The following CAMTA1 variants were observed in gnomAD, a reference collection of about 807,000 sequenced individuals.
CAMTA1 encodes calmodulin binding transcription activator 1, also known as calmodulin-binding transcription activator 1.
Under a neutral mutation model 170.9 loss-of-function variants are expected in CAMTA1, and 27 were observed. The observed-to-expected ratio is 0.16, with a 90% CI of 0.12 to 0.22. The LOEUF (loss-of-function observed/expected upper bound fraction) is 0.22. Among genes scored for constraint, CAMTA1 ranks in the 10% least tolerant of loss-of-function variants. The pLI is 1.00. For missense variants in CAMTA1, 1,619 were observed against 2,217.2 expected, an observed-to-expected ratio of 0.73 and a Z score of 5.42; for synonymous variants, 833 against 891.5, an observed-to-expected ratio of 0.93 and a Z score of 1.17.
At position 7,642,854 on chromosome 1, in the gene CAMTA1, C is replaced by T. The variant is rs1179947527; in HGVS notation, c.664+2301C>T. 6.6e-6 allele frequency among the ~76,000 whole-genome samples: 1 copy of T among 152,150 alleles called. No individual in the cohort carries two copies. The highest frequency in any genetic ancestry group is 1.5e-5 in the Non-Finnish European group (1 of 68,030). On this transcript the variant is annotated intron_variant, in intron 7 of 22. Coordinates refer to ENST00000303635, the MANE Select transcript of CAMTA1 (RefSeq NM_015215.4). This position sits in a 1 kb window ranked among gnomAD's most constrained non-coding sequence, Gnocchi z 6.3. ...GCACTTCCAGCCATCTCAGGGGGCC[C>T]GGCTCAGCTCCTCCACCCCTGCACA... is the stretch of plus-strand genomic sequence containing the variant.
chr1:7,085,532 G>C (rs1336897785), intron 3 of CAMTA1, among the ~76,000 whole-genome samples: 1 of 152,252 alleles, frequency 6.6e-6, no homozygotes, highest in African/African-American at 2.4e-5. Context: ...GAGAAAGTCT[G>C]AGCAGTGCAG....
rs1275468703 is a variant in CAMTA1, at chr1:7,738,182, G to A, written c.3882G>A (p.Arg1294=). The stretch of plus-strand genomic sequence containing the variant: ...CACTCAGCCCCAGTGAAGGAGTGAG[G>A]GACTTCAGCCGGGAACTCTCCCCTC... ...PETLSPSEGV[R]DFSRELSPPT... is the part of the protein sequence containing the mutation. Residue 1294 remains arginine, a synonymous_variant, in exon 16 of 23, where the codon AGG becomes AGA. Coordinates refer to ENST00000303635, the MANE Select transcript of CAMTA1 (RefSeq NM_015215.4). This position sits in a 1 kb window ranked among gnomAD's most constrained non-coding sequence, Gnocchi z 4.9. The A allele has an allele frequency of 1.9e-6, 3 of 1,613,958 alleles. No homozygotes were observed. The highest frequency in any genetic ancestry group is 2.5e-6 in the Non-Finnish European group (3 of 1,180,012).
chr1:7,416,030 G>T (rs2091143835), intron 5 of CAMTA1, among the ~76,000 whole-genome samples: 1 of 152,124 alleles, frequency 6.6e-6, no homozygotes, highest in Non-Finnish European at 1.5e-5. Flanking sequence ...GCTTAGTTTG[G>T]CTGGATATGA....
intron 4 of CAMTA1, among the ~76,000 whole-genome samples, chr1:7,179,605 A>C (rs1651680256): frequency 6.6e-6 from 1 of 152,200 alleles, no homozygotes; most frequent in Non-Finnish European, 1.5e-5. Flanking sequence ...AAAAGATGAA[A>C]ATACCCTATC....
At chr1:6,928,837 C>G (rs1003596559) in intron 3 of CAMTA1, among the ~76,000 whole-genome samples, 13 of 152,302 alleles carry the variant, frequency 8.5e-5, no homozygotes, top group Admixed American at 8.5e-4. Context: ...CCTCTGTTTG[C>G]TCCTCATGGC....
chr1:7,722,238 CTT>C (rs2149793201), intron 11 of CAMTA1, among the ~76,000 whole-genome samples: 1 of 152,308 alleles, frequency 6.6e-6, no homozygotes, highest in Admixed American at 6.5e-5. Context: ...TTGTCTCTGT[CTT>C]TAAAACATTG....
At position 7,094,808 on chromosome 1, in the gene CAMTA1, C is replaced by T. The variant is rs568224454; in HGVS notation, c.302+3437C>T. Among the ~76,000 whole-genome samples, 13 of 152,262 alleles carry T rather than the reference C, an allele frequency of 8.5e-5. No homozygotes were observed. The East Asian group carries it at 1.2e-3, about 14-fold the overall frequency. ...TTGTACTCTCAGCAACTGGGACCTCCGGTTTGAAAAATCACCCTGCGGAAC... is the reference window on the plus strand; with the variant it reads ...TTGTACTCTCAGCAACTGGGACCTCTGGTTTGAAAAATCACCCTGCGGAAC... On this transcript the variant is annotated intron_variant, in intron 4 of 22. Coordinates refer to ENST00000303635, the MANE Select transcript of CAMTA1 (RefSeq NM_015215.4).
chr1:7,197,628 C>CCACACACACACACACACA (rs3222484), intron 4 of CAMTA1, among the ~76,000 whole-genome samples: 1 of 109,796 alleles, frequency 9.1e-6, no homozygotes, highest in African/African-American at 3.1e-5. Context: ...TTGTCCCCCA[C>CCACACACACACACACACA]CACACACACA....
In CAMTA1 at chr1:6,933,848, C is replaced by A. The variant is rs55792740; in HGVS notation, c.234+108638C>A. Among the ~76,000 whole-genome samples, 3 of 152,190 alleles carry A rather than the reference C, an allele frequency of 2.0e-5. No individual in the cohort carries two copies. The East Asian group carries it at 5.8e-4, about 29-fold the overall frequency. On this transcript the variant is annotated intron_variant, in intron 3 of 22. Transcript: ENST00000303635. ...CCGGTGGTCTGTCTTTAAGCCAATA[C>A]CCCACTGTCTTGACTAGTGTGGCTG...
chr1:7,644,205 C>G (rs2095787816), intron 7 of CAMTA1, among the ~76,000 whole-genome samples: 1 of 152,152 alleles, frequency 6.6e-6, no homozygotes, highest in African/African-American at 2.4e-5. Context: ...GGAATCTCAC[C>G]AGGCTGATTC....
intron 6 of CAMTA1, among the ~76,000 whole-genome samples, chr1:7,496,179 C>T (rs925151886): frequency 7.2e-5 from 11 of 152,182 alleles, no homozygotes; most frequent in Non-Finnish European, 1.5e-4. Flanking sequence ...CTCACACAGG[C>T]AGTCTGAATA....
At chr1:7,714,604 C>T (rs962905878) in intron 11 of CAMTA1, among the ~76,000 whole-genome samples, 5 of 152,068 alleles carry the variant, frequency 3.3e-5, no homozygotes, top group African/African-American at 1.2e-4. Flanking sequence ...CACTGCAAGC[C>T]TCTGTCTCCT....
At chr1:7,679,268 C>T (rs2096159121) in intron 11 of CAMTA1, among the ~76,000 whole-genome samples, 1 of 152,196 alleles carries the variant, frequency 6.6e-6, no homozygotes, top group Non-Finnish European at 1.5e-5. Context: ...GTGACTTGGC[C>T]GGCCTCACTA....
chr1:7,269,065 C>G (rs1333023753), intron 5 of CAMTA1, among the ~76,000 whole-genome samples: 1 of 152,196 alleles, frequency 6.6e-6, no homozygotes, highest in African/African-American at 2.4e-5. Context: ...CAGCTTAAAA[C>G]AACACACATT....
chr1:6,985,869 C>T (rs1170910258), intron 3 of CAMTA1, among the ~76,000 whole-genome samples: 1 of 152,200 alleles, frequency 6.6e-6, no homozygotes, highest in Non-Finnish European at 1.5e-5. Flanking sequence ...AGGAGAGAGG[C>T]CTTCTGCACT....
At chr1:7,074,486 T>C (rs1008407702) in intron 3 of CAMTA1, among the ~76,000 whole-genome samples, 4 of 152,210 alleles carry the variant, frequency 2.6e-5, no homozygotes, top group Admixed American at 1.3e-4. Context: ...GCTGTTAATG[T>C]TTTAGTGAAT....
At chr1:7,196,480 A>G (rs1366810081) in intron 4 of CAMTA1, among the ~76,000 whole-genome samples, 2 of 152,242 alleles carry the variant, frequency 1.3e-5, no homozygotes, top group Admixed American at 1.3e-4. Flanking sequence ...CATTCCAGTT[A>G]GCAGGAGAGA....
chr1:7,533,975 C>T (rs911782053), intron 6 of CAMTA1, among the ~76,000 whole-genome samples: 1 of 152,106 alleles, frequency 6.6e-6, no homozygotes, highest in Non-Finnish European at 1.5e-5. Context: ...AAGCCAGGAG[C>T]AGGGCCCTTC....
At chr1:7,752,591 C>T (rs1455467266) in intron 21 of CAMTA1, 58 bp downstream of exon 21, 18 of 1,334,032 alleles carry the variant, frequency 1.3e-5, no homozygotes, top group Non-Finnish European at 1.9e-5. Flanking sequence ...CAACCCTGAC[C>T]TTCTTAACCC....
Sources: gnomAD v4.1 joint callset for allele counts (sites outside exome capture counted in the v4.1 genomes callset) on GRCh38, gnomAD v4.1.1 for gene constraint, Gnocchi (gnomAD v3.1) non-coding constraint, MANE v1.5 for transcripts, NCBI Gene and HGNC (gene_info 2026-07-23, HGNC 2026-07-21) for gene names.